Variants in TIAM1 observed in about 807,000 individuals in gnomAD.
TIAM1 encodes rho guanine nucleotide exchange factor TIAM1.
A neutral mutation model predicts 163.5 loss-of-function variants in TIAM1; 65 were observed. That is an observed-to-expected ratio of 0.40 (90% confidence interval 0.33 to 0.49). TIAM1 has a LOEUF of 0.49. Among genes scored for constraint, TIAM1 ranks in the 20% least tolerant of loss-of-function variants. The pLI is 0.77. For missense variants in TIAM1, 1,789 were observed against 2,044.7 expected (o/e 0.87, Z 2.41); for synonymous variants, 833 against 810.1 (o/e 1.03, Z -0.48).
chr21:31,313,571 A>G (rs2075005705), intron 2 of TIAM1, among the ~76,000 whole-genome samples: 2 of 152,238 alleles, frequency 1.3e-5, no homozygotes, highest in East Asian at 1.9e-4. Flanking sequence ...TCAGGAGTTC[A>G]ATAGAGCACA....
At chr21:31,283,689 C>T (rs1342869688) in intron 2 of TIAM1, among the ~76,000 whole-genome samples, 2 of 152,038 alleles carry the variant, frequency 1.3e-5, no homozygotes, top group Non-Finnish European at 2.9e-5. Context: ...GGACTACAAG[C>T]GCACATCATG....
intron 15 of TIAM1, among the ~76,000 whole-genome samples, chr21:31,181,881 C>T (rs2085047186): frequency 6.9e-6 from 1 of 145,324 alleles, no homozygotes; most frequent in African/African-American, 2.5e-5. Flanking sequence ...AACTCCTGGG[C>T]CCAAGCGATC....
chr21:31,399,339 TTTTGA>T (rs2077126562), intron 2 of TIAM1, among the ~76,000 whole-genome samples: 1 of 152,150 alleles, frequency 6.6e-6, no homozygotes, highest in Non-Finnish European at 1.5e-5. Flanking sequence ...TTCAAACCGA[TTTTGA>T]TTTAAGATAT....
At chr21:31,461,945 G>A (rs1463362193) in intron 2 of TIAM1, among the ~76,000 whole-genome samples, 2 of 152,212 alleles carry the variant, frequency 1.3e-5, no homozygotes, top group African/African-American at 2.4e-5. Flanking sequence ...GGGATTACAG[G>A]CATGGGCCAC....
chr21:31,415,778 G>C (rs1410017675), intron 2 of TIAM1, among the ~76,000 whole-genome samples: 7 of 152,150 alleles, frequency 4.6e-5, no homozygotes. Context: ...GAGCTCCTGG[G>C]TGATGTGGGG....
In TIAM1 at chr21:31,421,313, C is replaced by T. The variant is rs1188646622; in HGVS notation, c.-369+42670G>A. Among the ~76,000 whole-genome samples, 5 of 152,102 alleles carry T rather than the reference C, an allele frequency of 3.3e-5. No homozygotes were observed. In the East Asian group the frequency reaches 9.7e-4, roughly 29 times the overall value. On this transcript the variant is annotated intron_variant, in intron 2 of 28. Transcript: ENST00000286827. The stretch of plus-strand genomic sequence containing the variant: ...AAGAAATGCTAAAGATTGCTAGGAG[C>T]CACCAGAAGAAGAGTCGGGAAGAAT...
At chr21:31,269,337 C>T (rs2072943257) in intron 3 of TIAM1, among the ~76,000 whole-genome samples, 1 of 152,160 alleles carries the variant, frequency 6.6e-6, no homozygotes, top group Non-Finnish European at 1.5e-5. Flanking sequence ...ATCTTCAGAA[C>T]TAGAATGTAG....
intron 2 of TIAM1, among the ~76,000 whole-genome samples, chr21:31,306,399 G>C (rs2074712558): frequency 6.6e-6 from 1 of 152,152 alleles, no homozygotes; most frequent in African/African-American, 2.4e-5. Context: ...AGAAAGAAGA[G>C]ACTTATATAA....
intron 2 of TIAM1, among the ~76,000 whole-genome samples, chr21:31,396,605 T>G (rs891474427): frequency 6.7e-6 from 1 of 148,524 alleles, no homozygotes; most frequent in African/African-American, 2.4e-5. Flanking sequence ...TTATATAATA[T>G]CAATTATATT....
At chr21:31,182,325 G>C in intron 15 of TIAM1, 96 bp downstream of exon 15, 1 of 1,036,766 alleles carries the variant, frequency 9.6e-7, no homozygotes, top group South Asian at 2.0e-5. Flanking sequence ...CTGCCAGACA[G>C]AGGCACTCAC....
chr21:31,275,053 C>T (rs546279521), intron 3 of TIAM1, among the ~76,000 whole-genome samples: 220 of 150,612 alleles, frequency 1.5e-3, no homozygotes, highest in African/African-American at 4.3e-3. Flanking sequence ...ACCCTGGAGG[C>T]GGAGACTGCA....
At chr21:31,150,388 T>C (rs1038718773) in intron 19 of TIAM1, among the ~76,000 whole-genome samples, 2 of 152,276 alleles carry the variant, frequency 1.3e-5, no homozygotes, top group Admixed American at 6.5e-5. Flanking sequence ...TTCCTGCAAG[T>C]GTTAGAAGGC....
At chr21:31,225,690 A>C in intron 7 of TIAM1, 36 bp downstream of exon 7, 2 of 1,559,064 alleles carry the variant, frequency 1.3e-6, no homozygotes, top group Non-Finnish European at 1.7e-6. Context: ...GAGACCTAAC[A>C]ATTTTGTCCG....
intron 15 of TIAM1, among the ~76,000 whole-genome samples, chr21:31,173,552 G>A (rs555938523): frequency 2.1e-4 from 31 of 146,494 alleles, no homozygotes; most frequent in Admixed American, 1.6e-3. Flanking sequence ...GAGAGAGAGA[G>A]AAAAGAAAAG....
At chr21:31,259,104 C>T (rs1221182184) in intron 4 of TIAM1, among the ~76,000 whole-genome samples, 1 of 151,432 alleles carries the variant, frequency 6.6e-6, no homozygotes, top group Non-Finnish European at 1.5e-5. Flanking sequence ...TTCCTCTATT[C>T]TTATACTAGG....
chr21:31,155,927 T>A (rs571767139), intron 16 of TIAM1, among the ~76,000 whole-genome samples: 51 of 152,364 alleles, frequency 3.3e-4, no homozygotes, highest in African/African-American at 1.2e-3. Context: ...TAACTTCTTC[T>A]ATCATCCACC....
intron 2 of TIAM1, among the ~76,000 whole-genome samples, chr21:31,391,181 C>G (rs2076959260): frequency 6.6e-6 from 1 of 152,032 alleles, no homozygotes; most frequent in African/African-American, 2.4e-5. Flanking sequence ...GCTGTTGTGT[C>G]CATAAAACCT....
intron 6 of TIAM1, 116 bp downstream of exon 6, chr21:31,245,372 T>TAAAAAAAAAAAAAAAAAAAAAAACAAAAA (rs2071443822): frequency 5.0e-6 from 1 of 199,022 alleles, no homozygotes; most frequent in Non-Finnish European, 7.9e-6. Flanking sequence ...ATCTCACCAC[T>TAAAAAAAAAAAAAAAAAAAAAAACAAAAA]AAAAAAAAAA....
intron 11 of TIAM1, among the ~76,000 whole-genome samples, chr21:31,208,179 C>T (rs1022805447): frequency 2.6e-5 from 4 of 152,154 alleles, no homozygotes; most frequent in African/African-American, 7.2e-5. Flanking sequence ...TTGAAACATA[C>T]GTAAAGTGGG....
Sources: allele counts gnomAD v4.1 joint callset (sites outside exome capture counted in the v4.1 genomes callset), GRCh38; gene constraint gnomAD v4.1.1; transcripts MANE v1.5; gene names NCBI Gene and HGNC (gene_info 2026-07-23, HGNC 2026-07-21).